The following NMNAT2 variants were observed in gnomAD, a reference collection of about 807,000 sequenced individuals.
NMNAT2 encodes nicotinamide/nicotinic acid mononucleotide adenylyltransferase 2.
NMNAT2 carries 11 observed loss-of-function variants against 41.6 expected under a neutral mutation model. The observed-to-expected ratio is 0.26, with a 90% confidence interval of 0.17 to 0.44. The LOEUF is 0.44. NMNAT2 is among the 20% of genes least tolerant of loss of function. The pLI, the probability that NMNAT2 is intolerant of heterozygous loss-of-function variation, is 1.00. For synonymous variants in NMNAT2, 148 were observed against 151.2 expected (o/e 0.98, Z 0.16); for missense variants, 288 against 407.7 (o/e 0.71, Z 2.53).
In NMNAT2 at chr1:183,252,392, C is replaced by T; in HGVS notation, c.*249G>A. The T allele has an allele frequency of 1.9e-6, 1 of 518,130 alleles. No homozygotes were observed. The highest frequency in any genetic ancestry group is 2.1e-5 in the South Asian group (1 of 47,846). 32.1% of individuals were successfully genotyped at this position (518,130 alleles called of 1,614,324 possible). A position where few individuals can be genotyped will look rare whatever the true frequency, so the allele number is the denominator to read the frequency against. On this transcript the variant is annotated 3_prime_UTR_variant, in exon 11 of 11. Coordinates refer to ENST00000287713, the MANE Select transcript of NMNAT2 (RefSeq NM_015039.4). ...GACACCAGTACATCTCCAAGGACTG[C>T]ACTTCCCCCGACTCCCACCCCATTC... is the stretch of plus-strand genomic sequence containing the variant.
chr1:183,348,460 A>G (rs1662979308), intron 1 of NMNAT2, among the ~76,000 whole-genome samples: 1 of 152,196 alleles, frequency 6.6e-6, no homozygotes, highest in Non-Finnish European at 1.5e-5. Context: ...ATCTAATCCA[A>G]TATTAGATTC....
Position 183,252,491 on chromosome 1 carries a change from T to G in NMNAT2, c.*150A>C. 1.8e-6 allele frequency: 1 copy of G among 553,980 alleles called. No homozygotes were observed. Among genetic ancestry groups the G allele is most frequent in the South Asian group, 1.7e-5 (1 of 58,802 alleles). The allele number at this position is 553,980 out of a possible 1,614,324, so 34.3% of individuals were successfully genotyped here. A position where few individuals can be genotyped will look rare whatever the true frequency, so the allele number is the denominator to read the frequency against. On this transcript the variant is annotated 3_prime_UTR_variant, in exon 11 of 11. Coordinates refer to ENST00000287713, the MANE Select transcript of NMNAT2 (RefSeq NM_015039.4). ...GACTGTGGAATAGGGAATGCCATGG[T>G]TCTCTGCAGGTCCCCCACACTATGG... is the stretch of plus-strand genomic sequence containing the variant.
intron 1 of NMNAT2, among the ~76,000 whole-genome samples, chr1:183,350,001 T>C (rs1171066017): frequency 1.3e-5 from 2 of 152,228 alleles, no homozygotes; most frequent in African/African-American, 4.8e-5. Flanking sequence ...GGCTCTGTCC[T>C]GGACTTGCTG....
chr1:183,301,040 C>G (rs1661837336), intron 1 of NMNAT2, among the ~76,000 whole-genome samples: 1 of 152,168 alleles, frequency 6.6e-6, no homozygotes, highest in African/African-American at 2.4e-5. Context: ...TGAGTCAGAT[C>G]TCGCCTTTAT....
chr1:183,285,961 C>T (rs967747554), intron 5 of NMNAT2, among the ~76,000 whole-genome samples: 11 of 152,304 alleles, frequency 7.2e-5, no homozygotes, highest in Admixed American at 4.6e-4. Flanking sequence ...CATGGCCCTG[C>T]TTCTTGCTCA....
At chr1:183,391,628 A>G (rs1019135239) in intron 1 of NMNAT2, among the ~76,000 whole-genome samples, 1 of 152,108 alleles carries the variant, frequency 6.6e-6, no homozygotes, top group Non-Finnish European at 1.5e-5. Flanking sequence ...TCCTCAAAAG[A>G]ATGTTTAAAT....
intron 1 of NMNAT2, among the ~76,000 whole-genome samples, chr1:183,407,422 T>A (rs769389185): frequency 1.3e-5 from 2 of 152,258 alleles, no homozygotes; most frequent in Non-Finnish European, 2.9e-5. Flanking sequence ...TGTTTTCCTG[T>A]ATTTTCTGGT....
intron 1 of NMNAT2, among the ~76,000 whole-genome samples, chr1:183,328,875 G>C (rs573105734): frequency 6.6e-6 from 1 of 152,298 alleles, no homozygotes; most frequent in Admixed American, 6.5e-5. Flanking sequence ...CCTTCCCCCG[G>C]TATTTGGATT....
At chr1:183,306,857 C>T (rs908993593) in intron 1 of NMNAT2, among the ~76,000 whole-genome samples, 3 of 152,130 alleles carry the variant, frequency 2.0e-5, no homozygotes, top group Non-Finnish European at 2.9e-5. Flanking sequence ...TACTCAATTG[C>T]GCTGGCTGCC....
intron 1 of NMNAT2, among the ~76,000 whole-genome samples, chr1:183,391,329 T>C (rs1002287831): frequency 6.6e-6 from 1 of 152,174 alleles, no homozygotes; most frequent in Non-Finnish European, 1.5e-5. Flanking sequence ...TATTCTCTAC[T>C]CTTCTACATA....
chr1:183,276,576 C>T (rs928318840), intron 8 of NMNAT2, among the ~76,000 whole-genome samples: 12 of 152,204 alleles, frequency 7.9e-5, no homozygotes, highest in Admixed American at 2.0e-4. Context: ...AGAGGAGGCT[C>T]CTCACCCATC....
chr1:183,359,812 G>T (rs1263806019), intron 1 of NMNAT2, among the ~76,000 whole-genome samples: 1 of 152,138 alleles, frequency 6.6e-6, no homozygotes, highest in South Asian at 2.1e-4. Flanking sequence ...GCCCTGGGAG[G>T]CATTTGTTCT....
At chr1:183,387,227 G>A (rs1648271937) in intron 1 of NMNAT2, among the ~76,000 whole-genome samples, 1 of 138,060 alleles carries the variant, frequency 7.2e-6, no homozygotes, top group South Asian at 2.3e-4. Context: ...TTCTGTGATG[G>A]AAGATCCCTG....
chr1:183,408,156 A>G (rs886387828), intron 1 of NMNAT2, among the ~76,000 whole-genome samples: 4 of 152,222 alleles, frequency 2.6e-5, no homozygotes, highest in African/African-American at 9.6e-5. Context: ...CACTTTAGAT[A>G]CTTCCATTCC....
intron 1 of NMNAT2, among the ~76,000 whole-genome samples, chr1:183,318,779 G>A (rs551642132): frequency 6.6e-6 from 1 of 152,174 alleles, no homozygotes; most frequent in Non-Finnish European, 1.5e-5. Flanking sequence ...CCTAAAATCC[G>A]ATACAGGAGC....
At chr1:183,321,215 C>T (rs1662350366) in intron 1 of NMNAT2, among the ~76,000 whole-genome samples, 1 of 152,118 alleles carries the variant, frequency 6.6e-6, no homozygotes, top group African/African-American at 2.4e-5. Flanking sequence ...AACGTCTTTC[C>T]CCACATACAA....
chr1:183,395,590 G>C (rs1039151656), intron 1 of NMNAT2, among the ~76,000 whole-genome samples: 1 of 152,080 alleles, frequency 6.6e-6, no homozygotes, highest in Non-Finnish European at 1.5e-5. Flanking sequence ...TACATCACTT[G>C]TCAGTAAGTA....
chr1:183,287,809 G>A (rs79085032), intron 4 of NMNAT2, among the ~76,000 whole-genome samples: 2,311 of 152,330 alleles, frequency 0.015, 31 homozygotes, highest in Middle Eastern at 0.027. Context: ...GGACCCCCAG[G>A]CCCAAGGCTG....
intron 1 of NMNAT2, among the ~76,000 whole-genome samples, chr1:183,365,444 G>T (rs1007426413): frequency 6.6e-6 from 1 of 152,096 alleles, no homozygotes; most frequent in Non-Finnish European, 1.5e-5. Context: ...GAGATGTGGG[G>T]ATGGAGAATG....
Sources: gnomAD v4.1 joint callset for allele counts (sites outside exome capture counted in the v4.1 genomes callset) on GRCh38, gnomAD v4.1.1 for gene constraint, MANE v1.5 for transcripts, NCBI Gene and HGNC (gene_info 2026-07-23, HGNC 2026-07-21) for gene names.